Variants in ACYP2 observed in about 807,000 individuals in gnomAD.
The protein encoded by ACYP2 is acylphosphatase-2.
A neutral mutation model predicts 11.2 loss-of-function variants in ACYP2; 12 were observed. That is an observed-to-expected ratio of 1.08 (90% CI 0.69 to 1.74). The LOEUF (loss-of-function observed/expected upper bound fraction) is 1.74, where lower values mean the gene tolerates loss of function less well. Among genes scored for constraint, ACYP2 ranks in the 40% most tolerant of loss-of-function variants. ACYP2 has a pLI of 0.00. For missense variants in ACYP2, 134 were observed against 101.9 expected (o/e 1.31, Z -1.35); for synonymous variants, 43 against 32.2 (o/e 1.33, Z -1.13).
At chr2:54,263,982 G>A (rs573688282) in intron 6 of ACYP2, among the ~76,000 whole-genome samples, 22 of 152,290 alleles carry the variant, frequency 1.4e-4, no homozygotes, top group Admixed American at 1.2e-3. Context: ...GGTGATAGAT[G>A]TTTAGTGGTG....
intron 2 of ACYP2, among the ~76,000 whole-genome samples, chr2:54,004,730 G>A (rs1327584145): frequency 6.6e-6 from 1 of 151,500 alleles, no homozygotes; most frequent in Non-Finnish European, 1.5e-5. Flanking sequence ...TTTTTTTAAA[G>A]CAGATTGTTC....
At position 54,254,227 on chromosome 2, in the gene ACYP2, G is replaced by A. The variant is rs866084988; in HGVS notation, c.405-50461G>A. ...GGTGGTGGTAAAGAGAGGTCTTTTGGAAGAGGAACAGGTCTTTTGTGTGCT... is the reference window on the plus strand; with the variant it reads ...GGTGGTGGTAAAGAGAGGTCTTTTGAAAGAGGAACAGGTCTTTTGTGTGCT... On this transcript the variant is annotated intron_variant, in intron 6 of 6. Transcript: ENST00000607452. The A allele has an allele frequency of 3.9e-5, 6 of 152,294 alleles. No individual in the cohort carries two copies. The South Asian group carries it at 1.0e-3, about 26-fold the overall frequency. 9.4% of individuals were successfully genotyped at this position (152,294 alleles called of 1,614,324 possible). A position where few individuals can be genotyped will look rare whatever the true frequency, so the allele number is the denominator to read the frequency against.
intron 4 of ACYP2, among the ~76,000 whole-genome samples, chr2:54,074,310 A>C (rs1191480017): frequency 6.6e-6 from 1 of 151,998 alleles, no homozygotes; most frequent in African/African-American, 2.4e-5. Flanking sequence ...GGGCCACTAC[A>C]CTCCAGCCTG....
intron 6 of ACYP2, among the ~76,000 whole-genome samples, chr2:54,225,705 T>C (rs1685985868): frequency 6.6e-6 from 1 of 152,212 alleles, no homozygotes; most frequent in African/African-American, 2.4e-5. Flanking sequence ...TATAATATAT[T>C]ATCCATACTA....
At chr2:54,184,703 G>C (rs182011133) in intron 6 of ACYP2, among the ~76,000 whole-genome samples, 2 of 152,270 alleles carry the variant, frequency 1.3e-5, no homozygotes, top group East Asian at 3.9e-4. Context: ...TATATGGGAA[G>C]ACAATTTACT....
chr2:54,110,464 C>T (rs969891647), intron 4 of ACYP2, among the ~76,000 whole-genome samples: 1 of 152,154 alleles, frequency 6.6e-6, no homozygotes, highest in Non-Finnish European at 1.5e-5. Flanking sequence ...TTCAAGTTTA[C>T]GTACTCAAAT....
intron 4 of ACYP2, chr2:54,115,660 G>A: frequency 2.5e-6 from 4 of 1,601,438 alleles, no homozygotes; most frequent in Non-Finnish European, 3.4e-6. Context: ...TGCGCCCCGA[G>A]CCCCTCTCCG....
intron 4 of ACYP2, among the ~76,000 whole-genome samples, chr2:54,098,807 A>G (rs900129501): frequency 6.7e-6 from 1 of 150,006 alleles, no homozygotes; most frequent in Admixed American, 6.7e-5. Flanking sequence ...AGCTCACTGC[A>G]GCCTCAATCT....
chr2:54,011,994 G>C (rs1393577485), intron 2 of ACYP2, among the ~76,000 whole-genome samples: 2 of 152,172 alleles, frequency 1.3e-5, no homozygotes, highest in Non-Finnish European at 2.9e-5. Flanking sequence ...CTAGCACTTT[G>C]AGAGGCCGAG....
chr2:54,078,131 G>C (rs975239086), intron 4 of ACYP2, among the ~76,000 whole-genome samples: 4 of 151,854 alleles, frequency 2.6e-5, no homozygotes, highest in African/African-American at 9.7e-5. Flanking sequence ...ATTTTTAGTA[G>C]ACATGGGGTT....
intron 6 of ACYP2, among the ~76,000 whole-genome samples, chr2:54,194,899 A>G (rs1224766819): frequency 6.6e-6 from 1 of 152,182 alleles, no homozygotes; most frequent in Non-Finnish European, 1.5e-5. Flanking sequence ...CAGAGTTGGT[A>G]TCACTAGTGG....
chr2:54,000,254 G>A (rs986239226), intron 2 of ACYP2, among the ~76,000 whole-genome samples: 1 of 152,088 alleles, frequency 6.6e-6, no homozygotes, highest in Admixed American at 6.6e-5. Context: ...AGACTCTTGT[G>A]TAGTTATTCC....
chr2:54,125,272 A>G (rs1308068094), intron 4 of ACYP2, among the ~76,000 whole-genome samples: 1 of 151,510 alleles, frequency 6.6e-6, no homozygotes, highest in Non-Finnish European at 1.5e-5. Context: ...GTCTTTTGTT[A>G]TGTATATACT....
At chr2:54,282,646 C>CA (rs1322966237) in intron 6 of ACYP2, among the ~76,000 whole-genome samples, 2 of 152,172 alleles carry the variant, frequency 1.3e-5, no homozygotes, top group Non-Finnish European at 2.9e-5. Context: ...CAATGAACCA[C>CA]TCACTCCTGG....
At chr2:53,991,658 G>A (rs769377086) in intron 2 of ACYP2, among the ~76,000 whole-genome samples, 2 of 152,132 alleles carry the variant, frequency 1.3e-5, no homozygotes, top group African/African-American at 2.4e-5. Context: ...ACCTGCCTCA[G>A]TCTCCCAAAG....
intron 4 of ACYP2, among the ~76,000 whole-genome samples, chr2:54,133,252 C>G (rs1480382661): frequency 6.6e-6 from 1 of 152,220 alleles, no homozygotes; most frequent in African/African-American, 2.4e-5. Flanking sequence ...TCTGGCCTCT[C>G]TTACTTAGCA....
intron 4 of ACYP2, among the ~76,000 whole-genome samples, chr2:54,097,336 G>C (rs1487410607): frequency 6.6e-6 from 1 of 152,136 alleles, no homozygotes; most frequent in African/African-American, 2.4e-5. Flanking sequence ...ACTTTGATCT[G>C]TTCTCTTCAT....
At position 54,304,775 on chromosome 2, in the gene ACYP2, AT is replaced by A. The variant is rs776727471; in HGVS notation, c.493del (p.Tyr165ThrfsTer15). The A allele has an allele frequency of 6.2e-7, 1 of 1,609,720 alleles. No homozygotes were observed. The highest frequency in any genetic ancestry group is 8.5e-7 in the Non-Finnish European group (1 of 1,177,840). On this transcript the variant is annotated frameshift_variant, in exon 7 of 7. Transcript: ENST00000607452. LOFTEE classifies it high-confidence loss of function. ...ATGAAAAAACCATCTCTAAGCTTGA[AT>A]ACTCTAATTTTAGTATTAGATACTA...
intron 5 of ACYP2, among the ~76,000 whole-genome samples, chr2:54,137,891 T>G (rs1016966354): frequency 6.6e-6 from 1 of 152,220 alleles, no homozygotes; most frequent in Non-Finnish European, 1.5e-5. Context: ...CAGTTTGCAC[T>G]CCCACCAACA....
Sources: allele counts gnomAD v4.1 joint callset (sites outside exome capture counted in the v4.1 genomes callset), GRCh38; gene constraint gnomAD v4.1.1; transcripts MANE v1.5; gene names NCBI Gene and HGNC (gene_info 2026-07-23, HGNC 2026-07-21).